The following PCDHAC2 variants were observed in gnomAD, a reference collection of about 807,000 sequenced individuals.
The protein encoded by PCDHAC2 is protocadherin alpha-C2.
Under a neutral mutation model 63.3 loss-of-function variants are expected in PCDHAC2, and 24 were observed. That is an observed-to-expected ratio of 0.38 (90% CI 0.27 to 0.53). The LOEUF (loss-of-function observed/expected upper bound fraction) is 0.53, where lower values mean the gene tolerates loss of function less well. Ranked by LOEUF, PCDHAC2 falls within the 20% of genes least tolerant of loss-of-function variation. The pLI, the probability that PCDHAC2 is intolerant of heterozygous loss-of-function variation, is 0.81. For synonymous variants in PCDHAC2, 569 were observed against 529.4 expected, an observed-to-expected ratio of 1.07 and a Z score of -1.03; for missense variants, 1,181 against 1,275.2, an observed-to-expected ratio of 0.93 and a Z score of 1.12.
chr5:140,981,232 T>G (rs768766953), intron 2 of PCDHAC2, among the ~76,000 whole-genome samples: 32 of 152,216 alleles, frequency 2.1e-4, no homozygotes, highest in Non-Finnish European at 4.3e-4. Context: ...GTAGTCTAAA[T>G]TTTATTTTAG....
In PCDHAC2 at chr5:141,010,472, A is replaced by G. The variant is rs2098417397; in HGVS notation, c.*535A>G. ...AGCGGAAGTTATCAGTATGGAGGGG[A>G]AGTGTAAACTTAAAGGGACCAGACT... On this transcript the variant is annotated 3_prime_UTR_variant, in exon 4 of 4. Transcript: ENST00000289269. The G allele has an allele frequency of 1.3e-6, 1 of 762,088 alleles. No homozygotes were observed. Among genetic ancestry groups the G allele is most frequent in the African/African-American group, 1.8e-5 (1 of 56,688 alleles). 47.2% of individuals were successfully genotyped at this position (762,088 alleles called of 1,614,324 possible).
intron 3 of PCDHAC2, among the ~76,000 whole-genome samples, chr5:140,987,224 A>C (rs28567024): frequency 6.6e-6 from 1 of 151,930 alleles, no homozygotes; most frequent in South Asian, 2.1e-4. Context: ...AAAAAAAAAA[A>C]AAATAATAAA....
chr5:141,004,933 AAAAT>A (rs1336216932), intron 3 of PCDHAC2, among the ~76,000 whole-genome samples: 1 of 152,198 alleles, frequency 6.6e-6, no homozygotes, highest in Non-Finnish European at 1.5e-5. Flanking sequence ...AAGAGAGAAG[AAAAT>A]TTCTTACCCT....
chr5:140,981,498 T>C (rs1299157295), intron 2 of PCDHAC2, among the ~76,000 whole-genome samples: 1 of 152,146 alleles, frequency 6.6e-6, no homozygotes, highest in African/African-American at 2.4e-5. Context: ...TGCTTGAACC[T>C]GGGAGGCAGA....
At chr5:140,979,055 T>A (rs2096833782) in intron 2 of PCDHAC2, 48 bp downstream of exon 2, 1 of 1,607,848 alleles carries the variant, frequency 6.2e-7, no homozygotes, top group Non-Finnish European at 8.5e-7. Flanking sequence ...TAACTTGGTA[T>A]GGCTCAGATA....
intron 2 of PCDHAC2, 35 bp from the exon 3 acceptor site, chr5:140,982,440 A>C: frequency 6.2e-6 from 10 of 1,613,042 alleles, no homozygotes; most frequent in Non-Finnish European, 8.5e-6. Context: ...AGAATTTATG[A>C]TCTAACCGTT....
chr5:140,971,718 G>A (rs1554233569), intron 1 of PCDHAC2, among the ~76,000 whole-genome samples: 3 of 151,796 alleles, frequency 2.0e-5, no homozygotes, highest in Non-Finnish European at 2.9e-5. Flanking sequence ...ATAGATATAT[G>A]TATATCATAC....
intron 3 of PCDHAC2, among the ~76,000 whole-genome samples, chr5:141,003,371 G>A (rs782012251): frequency 2.0e-5 from 3 of 152,148 alleles, no homozygotes; most frequent in African/African-American, 7.2e-5. Flanking sequence ...GAGTGCAGTG[G>A]TGCAATCTCA....
At position 140,982,472 on chromosome 5, in the gene PCDHAC2, C is replaced by T; in HGVS notation, c.2625-3C>T. The stretch of plus-strand genomic sequence containing the variant: ...CGTTATCTGGGTCTGTGTGTTTATT[C>T]AGCTCTGTGCACCTAGAGGAGGCTG... On this transcript the variant is annotated splice_polypyrimidine_tract_variant and splice_region_variant and intron_variant, in intron 2 of 3. Transcript: ENST00000289269. The T allele has an allele frequency of 3.1e-6, 5 of 1,614,144 alleles. No individual in the cohort carries two copies. Among genetic ancestry groups the T allele is most frequent in the Non-Finnish European group, 4.2e-6 (5 of 1,180,022 alleles).
intron 3 of PCDHAC2, among the ~76,000 whole-genome samples, chr5:140,988,533 C>G (rs1395075166): frequency 6.6e-6 from 1 of 152,160 alleles, no homozygotes; most frequent in African/African-American, 2.4e-5. Flanking sequence ...CTGGCTCCAT[C>G]CATTCATGAC....
chr5:140,985,902 T>G (rs1026675848), intron 3 of PCDHAC2, among the ~76,000 whole-genome samples: 2 of 151,212 alleles, frequency 1.3e-5, no homozygotes, highest in Non-Finnish European at 2.9e-5. Flanking sequence ...ACCACTCCCG[T>G]CTAATTTTTT....
rs2096192784 is a variant in PCDHAC2, at chr5:140,967,872, A to C, written c.1106A>C (p.Asp369Ala). ...AATGCCCCAGAGGTGGTGCTCACGG[A>C]CCTGTATAGCCCAGTGCCTGAGAAT... ...NDNAPEVVLT[D>A]LYSPVPENAT... The change falls in exon 1 of 4, where the codon GAC becomes GCC. Residue 369 changes from aspartate (D) to alanine (A), a missense_variant. By Grantham distance (126) the Asp-to-Ala change is moderately radical. This residue lies in a region of PCDHAC2 where 968 missense variants were observed against 1,073.5 expected (regional missense o/e 0.90). Transcript: ENST00000289269. 2 of 1,614,034 alleles carry C rather than the reference A, an allele frequency of 1.2e-6. No individual in the cohort carries two copies. The highest frequency in any genetic ancestry group is 1.7e-6 in the Non-Finnish European group (2 of 1,180,014).
Position 141,009,632 on chromosome 5 carries a change from G to A in PCDHAC2, c.2719G>A (p.Glu907Lys). 1 of 1,613,032 alleles carries A rather than the reference G, an allele frequency of 6.2e-7. No individual in the cohort carries two copies. Among genetic ancestry groups the A allele is most frequent in the Non-Finnish European group, 8.5e-7 (1 of 1,179,354 alleles). The change falls in exon 4 of 4, where the codon GAG (glutamate) becomes AAG (lysine). Residue 907 changes from glutamate to lysine, a missense_variant. This residue lies in a region of PCDHAC2 where 968 missense variants were observed against 1,073.5 expected (regional missense o/e 0.90). Transcript: ENST00000289269. The stretch of plus-strand genomic sequence containing the variant: ...TGTAATGTTTTGTCTTTCAGAACCA[G>A]AGGCAGGAGAAGTGTCCCCTCCAGT... ...PTVSSATPEP[E>K]AGEVSPPVGA...
In PCDHAC2 at chr5:140,982,576, G is replaced by C. The variant is rs782355791; in HGVS notation, c.2713+13G>C. ...AGTGCAACACCAGGTAAAGAGCTGG[G>C]GTCTCTCCATTCTTTCTTGGTTTCT... On this transcript the variant is annotated intron_variant, in intron 3 of 3. Transcript: ENST00000289269. 3.1e-6 allele frequency: 5 copies of C among 1,613,270 alleles called. 1 individual carries two copies. In the South Asian group the frequency reaches 5.5e-5, roughly 18 times the overall value.
chr5:140,979,110 C>A, intron 2 of PCDHAC2, 103 bp downstream of exon 2: 1 of 1,515,726 alleles, frequency 6.6e-7, no homozygotes, highest in East Asian at 2.3e-5. Flanking sequence ...AACTAAAAAG[C>A]TTTAGGTACT....
chr5:140,987,228 TAATA>T (rs1459014222), intron 3 of PCDHAC2, among the ~76,000 whole-genome samples: 2 of 149,038 alleles, frequency 1.3e-5, no homozygotes, highest in Non-Finnish European at 3.0e-5. Flanking sequence ...AAAAAAAAAA[TAATA>T]AATAAAGAAA....
At chr5:140,970,121 G>C (rs1230320134) in intron 1 of PCDHAC2, among the ~76,000 whole-genome samples, 1 of 152,184 alleles carries the variant, frequency 6.6e-6, no homozygotes, top group Non-Finnish European at 1.5e-5. Flanking sequence ...GCTGGGATTA[G>C]AAGGAAGAGA....
At chr5:141,001,975 G>T (rs900969211) in intron 3 of PCDHAC2, among the ~76,000 whole-genome samples, 2 of 152,302 alleles carry the variant, frequency 1.3e-5, no homozygotes, top group Non-Finnish European at 2.9e-5. Flanking sequence ...GTCTCTGCGC[G>T]GAAAGCCTGG....
chr5:140,998,442 T>G lies in PCDHAC2; in HGVS notation c.2714-11185T>G, dbSNP rs368931467. On this transcript the variant is annotated intron_variant, in intron 3 of 3. Coordinates refer to ENST00000289269, the MANE Select transcript of PCDHAC2 (RefSeq NM_018899.6). ...GGTTTATCCTTTAACACTATTATTGTATTTATTCATTTACTTGTCTTTTCC... is the reference window on the plus strand; with the variant it reads ...GGTTTATCCTTTAACACTATTATTGGATTTATTCATTTACTTGTCTTTTCC... 1.7e-4 allele frequency among the ~76,000 whole-genome samples: 26 copies of G among 152,352 alleles called. No individual in the cohort carries two copies. In the South Asian group the frequency reaches 5.2e-3, roughly 30 times the overall value.
Sources: gnomAD v4.1 joint callset for allele counts (sites outside exome capture counted in the v4.1 genomes callset) on GRCh38, gnomAD v4.1.1 for gene constraint, gnomAD v4.1.1 regional missense constraint, MANE v1.5 for transcripts, NCBI Gene and HGNC (gene_info 2026-07-23, HGNC 2026-07-21) for gene names.